Variants in SCUBE2 observed in about 807,000 individuals in gnomAD.
SCUBE2 encodes the protein signal peptide, CUB and EGF-like domain-containing protein 2.
In SCUBE2, 114 loss-of-function variants were observed where a neutral mutation model predicts 125.9. That is an observed-to-expected ratio of 0.91 (90% CI 0.78 to 1.06). The LOEUF (loss-of-function observed/expected upper bound fraction) is 1.06. SCUBE2 is among the 50% of genes least tolerant of loss of function. The pLI is 0.00. For synonymous variants in SCUBE2, 459 were observed against 492.9 expected (o/e 0.93, Z 0.91); for missense variants, 1,255 against 1,301.8 (o/e 0.96, Z 0.55).
chr11:9,085,166 C>T (rs1435162256), intron 2 of SCUBE2, among the ~76,000 whole-genome samples: 1 of 152,064 alleles, frequency 6.6e-6, no homozygotes, highest in African/African-American at 2.4e-5. Context: ...GACACAACTG[C>T]TAAATCTAAT....
chr11:9,068,019 G>T (rs546045144), intron 5 of SCUBE2, among the ~76,000 whole-genome samples: 1 of 152,266 alleles, frequency 6.6e-6, no homozygotes, highest in South Asian at 2.1e-4. Context: ...CTCAGGGACA[G>T]CCTGACTTCG....
At chr11:9,069,918 T>A (rs555619777) in intron 4 of SCUBE2, among the ~76,000 whole-genome samples, 1 of 152,362 alleles carries the variant, frequency 6.6e-6, no homozygotes, top group East Asian at 1.9e-4. Flanking sequence ...TTTCACATAC[T>A]CTTGAAGATA....
Position 9,091,405 on chromosome 11 carries a change from GC to G in SCUBE2, c.123del (p.Pro42ArgfsTer5). On this transcript the variant is annotated frameshift_variant, in exon 1 of 23. Coordinates refer to ENST00000649792, the MANE Select transcript of SCUBE2 (RefSeq NM_001367977.2). LOFTEE classifies it high-confidence loss of function. This position sits in a 1 kb window ranked among gnomAD's most constrained non-coding sequence, Gnocchi z 8.5. ...AVPPGRGRAA[G>X]PQEDVDECAQ... is the part of the protein sequence containing the mutation. ...GCGGCCGGACACTCACCCTCCTGCGGCCCCGCGGCACGGCCCCGACCCGGCG... is the reference window on the plus strand; with the variant it reads ...GCGGCCGGACACTCACCCTCCTGCGGCCCGCGGCACGGCCCCGACCCGGCG... 1 of 1,308,796 alleles carries G rather than the reference GC, an allele frequency of 7.6e-7. No individual in the cohort carries two copies. The highest frequency in any genetic ancestry group is 9.7e-7 in the Non-Finnish European group (1 of 1,034,786). 81.1% of individuals were successfully genotyped at this position (1,308,796 alleles called of 1,614,324 possible).
intron 22 of SCUBE2, 152 bp from the exon 23 acceptor site, chr11:9,021,349 C>A: frequency 1.9e-6 from 1 of 534,032 alleles, no homozygotes; most frequent in Non-Finnish European, 3.0e-6. Context: ...ATCTTCTTTC[C>A]AGTTTTTATT....
chr11:9,059,607 G>A, intron 8 of SCUBE2, 182 bp from the exon 9 acceptor site: 1 of 747,852 alleles, frequency 1.3e-6, no homozygotes, highest in Non-Finnish European at 2.0e-6. Flanking sequence ...GGCTTAACCA[G>A]TTTTGAAAGA....
intron 7 of SCUBE2, among the ~76,000 whole-genome samples, chr11:9,063,736 A>G (rs1299800595): frequency 1.3e-5 from 2 of 152,258 alleles, no homozygotes; most frequent in African/African-American, 2.4e-5. Context: ...CTGATGGTGA[A>G]TGCCCAGATG....
chr11:9,088,251 G>A (rs1341272948), intron 2 of SCUBE2, among the ~76,000 whole-genome samples: 2 of 152,240 alleles, frequency 1.3e-5, no homozygotes, highest in Non-Finnish European at 2.9e-5. Context: ...ACTTCGGGAG[G>A]CCGAGGCCAG....
At position 9,055,899 on chromosome 11, in the gene SCUBE2, C is replaced by CAGG; in HGVS notation, c.1100_1101insCCT (p.Glu367delinsAspLeu). On this transcript the variant is annotated protein_altering_variant, in exon 10 of 23. Transcript: ENST00000649792. ...GGTCACAGGTCCTATCCAAAGAGCA[C>CAGG]TCATCCACATCTGTAATGGTCAAAG... 1 of 1,614,068 alleles carries CAGG rather than the reference C, an allele frequency of 6.2e-7. No individual in the cohort carries two copies. Among genetic ancestry groups the CAGG allele is most frequent in the Non-Finnish European group, 8.5e-7 (1 of 1,179,938 alleles).
chr11:9,028,953 ATGT>A (rs1367353944), intron 19 of SCUBE2, among the ~76,000 whole-genome samples: 2 of 152,202 alleles, frequency 1.3e-5, no homozygotes, highest in African/African-American at 2.4e-5. Flanking sequence ...ACTTATAAAG[ATGT>A]TGTTAAAAGG....
intron 21 of SCUBE2, chr11:9,024,522 C>A: frequency 1.5e-6 from 1 of 655,180 alleles, no homozygotes; most frequent in Non-Finnish European, 2.4e-6. Flanking sequence ...CCTTCAGTGG[C>A]TTCCTCTAAG....
At chr11:9,023,335 A>G (rs1010781575) in intron 21 of SCUBE2, among the ~76,000 whole-genome samples, 3 of 152,258 alleles carry the variant, frequency 2.0e-5, no homozygotes, top group Non-Finnish European at 1.5e-5. Flanking sequence ...TATGTTTACA[A>G]TAGCATTGGT....
intron 16 of SCUBE2, among the ~76,000 whole-genome samples, chr11:9,034,211 C>T (rs1172125006): frequency 6.6e-6 from 1 of 152,174 alleles, no homozygotes; most frequent in African/African-American, 2.4e-5. Context: ...GTTATTAATT[C>T]TGTCTGGTGG....
At chr11:9,044,771 C>T (rs943749355) in intron 16 of SCUBE2, among the ~76,000 whole-genome samples, 1 of 152,124 alleles carries the variant, frequency 6.6e-6, no homozygotes, top group Non-Finnish European at 1.5e-5. Flanking sequence ...GCCTTCCTTC[C>T]AGTACCTTGG....
chr11:9,089,598 G>A, intron 2 of SCUBE2, 109 bp downstream of exon 2: 2 of 1,250,310 alleles, frequency 1.6e-6, no homozygotes, highest in Admixed American at 2.1e-5. Context: ...AGGGGCTGGG[G>A]GAAAGGGAGA....
chr11:9,049,210 A>C (rs1462862389), intron 14 of SCUBE2, among the ~76,000 whole-genome samples: 1 of 152,236 alleles, frequency 6.6e-6, no homozygotes, highest in African/African-American at 2.4e-5. Context: ...AATCCCATTA[A>C]GTAAACTATA....
At chr11:9,087,017 G>A (rs1169907943) in intron 2 of SCUBE2, among the ~76,000 whole-genome samples, 1 of 151,908 alleles carries the variant, frequency 6.6e-6, no homozygotes, top group African/African-American at 2.4e-5. Flanking sequence ...TGGATGGGAG[G>A]CTCTTTAATT....
chr11:9,068,344 A>G (rs928090171), intron 5 of SCUBE2, among the ~76,000 whole-genome samples: 1 of 152,186 alleles, frequency 6.6e-6, no homozygotes, highest in Non-Finnish European at 1.5e-5. Flanking sequence ...TTGTTACTAC[A>G]ATCGTGGTGC....
chr11:9,067,902 A>C (rs1860409438), intron 5 of SCUBE2, among the ~76,000 whole-genome samples: 1 of 130,718 alleles, frequency 7.7e-6, no homozygotes, highest in Admixed American at 8.6e-5. Context: ...AAGACTATGA[A>C]ATGTTGAGGG....
intron 9 of SCUBE2, among the ~76,000 whole-genome samples, 197 bp from the exon 10 acceptor site, chr11:9,056,106 C>T (rs1050633246): frequency 6.6e-6 from 1 of 152,214 alleles, no homozygotes; most frequent in African/African-American, 2.4e-5. Flanking sequence ...CTGACTGCCA[C>T]GGCCCTCATT....
Sources: gnomAD v4.1 joint callset for allele counts (sites outside exome capture counted in the v4.1 genomes callset) on GRCh38, gnomAD v4.1.1 for gene constraint, Gnocchi (gnomAD v3.1) non-coding constraint, MANE v1.5 for transcripts, NCBI Gene and HGNC (gene_info 2026-07-23, HGNC 2026-07-21) for gene names.